BRINP1: variants seen among roughly 807,000 people sequenced by gnomAD.
BRINP1 encodes BMP/retinoic acid inducible neural specific 1.
In BRINP1, 17 loss-of-function variants were observed where a neutral mutation model predicts 72.9. The ratio of observed to expected loss-of-function variants is 0.23; its 90% CI spans 0.16 to 0.35. The LOEUF (loss-of-function observed/expected upper bound fraction) is 0.35. BRINP1 is among the 10% of genes least tolerant of loss of function. BRINP1 has a pLI of 1.00. For synonymous variants in BRINP1, 418 were observed against 378.5 expected (o/e 1.10, Z -1.21); for missense variants, 850 against 1,001.6 (o/e 0.85, Z 2.04).
intron 2 of BRINP1, among the ~76,000 whole-genome samples, chr9:119,249,940 GGGAA>G (rs1830365089): frequency 8.1e-6 from 1 of 123,078 alleles, no homozygotes; most frequent in African/African-American, 3.3e-5. Flanking sequence ...GAGAGAGAAA[GGGAA>G]GGAAGGAAGG....
At chr9:119,169,533 A>C (rs578066479) in intron 7 of BRINP1, among the ~76,000 whole-genome samples, 1 of 152,336 alleles carries the variant, frequency 6.6e-6, no homozygotes, top group South Asian at 2.1e-4. Context: ...ATCAAACTGC[A>C]AGGCGGCAGC....
intron 2 of BRINP1, among the ~76,000 whole-genome samples, chr9:119,307,248 T>C (rs1831007592): frequency 6.6e-6 from 1 of 152,158 alleles, no homozygotes; most frequent in Middle Eastern, 3.4e-3. Context: ...TATCCCTGAC[T>C]GACAATAATT....
chr9:119,320,462 AG>A, intron 1 of BRINP1, among the ~76,000 whole-genome samples: 1 of 152,204 alleles, frequency 6.6e-6, no homozygotes, highest in Non-Finnish European at 1.5e-5. Context: ...GGGCCCTCAA[AG>A]AGCTTATTTT....
chr9:119,252,293 A>G (rs976054859), intron 2 of BRINP1, among the ~76,000 whole-genome samples: 1 of 152,154 alleles, frequency 6.6e-6, no homozygotes, highest in African/African-American at 2.4e-5. Flanking sequence ...CAGCCTGGTA[A>G]CAAACCCAGA....
intron 7 of BRINP1, among the ~76,000 whole-genome samples, chr9:119,193,387 A>T (rs1415293265): frequency 6.6e-6 from 1 of 152,198 alleles, no homozygotes; most frequent in Non-Finnish European, 1.5e-5. Flanking sequence ...TCAAATACAC[A>T]GAGACAGAGA....
intron 2 of BRINP1, among the ~76,000 whole-genome samples, chr9:119,311,564 A>G (rs1210969606): frequency 1.3e-5 from 2 of 152,196 alleles, no homozygotes; most frequent in Non-Finnish European, 2.9e-5. Flanking sequence ...TTTTTGAATA[A>G]CATAGGTTGA....
At chr9:119,349,845 T>C (rs982275770) in intron 1 of BRINP1, among the ~76,000 whole-genome samples, 2 of 152,212 alleles carry the variant, frequency 1.3e-5, no homozygotes, top group Non-Finnish European at 2.9e-5. Flanking sequence ...TGTTCCTATG[T>C]GACACTGAGA....
chr9:119,203,016 T>G (rs1588162940), intron 7 of BRINP1, among the ~76,000 whole-genome samples: 1 of 152,106 alleles, frequency 6.6e-6, no homozygotes, highest in African/African-American at 2.4e-5. Flanking sequence ...CAGGGCTCCA[T>G]GTTCAGGGCC....
At chr9:119,272,672 G>C (rs185800597) in intron 2 of BRINP1, among the ~76,000 whole-genome samples, 45 of 152,226 alleles carry the variant, frequency 3.0e-4, no homozygotes, top group African/African-American at 1.0e-3. Flanking sequence ...CTACTTCCAG[G>C]CATTTTATTT....
intron 2 of BRINP1, among the ~76,000 whole-genome samples, chr9:119,311,415 C>A (rs1298508359): frequency 6.6e-6 from 1 of 152,144 alleles, no homozygotes; most frequent in Non-Finnish European, 1.5e-5. Context: ...CAAAGTAAAT[C>A]ATACATGAAA....
chr9:119,302,307 T>C (rs1179311495), intron 2 of BRINP1, among the ~76,000 whole-genome samples: 1 of 152,192 alleles, frequency 6.6e-6, no homozygotes, highest in Non-Finnish European at 1.5e-5. Flanking sequence ...GATGATTTTA[T>C]CTAACTGTAA....
rs2119051185 is a variant in BRINP1 at position 119,368,384 on chromosome 9, A to C, written c.-51+672T>G. Among the ~76,000 whole-genome samples the C allele has an allele frequency of 6.6e-6, 1 of 152,096 alleles. No homozygotes were observed. The highest frequency in any genetic ancestry group is 1.9e-4 in the East Asian group (1 of 5,142). ...GGGTTGGCCATGTCTCTTTCATATT[A>C]AGCTGTGGGTCCCAGTGTAGCAGGA... On this transcript the variant is annotated intron_variant, in intron 1 of 7. Transcript: ENST00000265922. This position sits in a 1 kb window ranked among gnomAD's most constrained non-coding sequence, Gnocchi z 4.7.
At chr9:119,169,680 G>C (rs919210751) in intron 7 of BRINP1, among the ~76,000 whole-genome samples, 9 of 152,214 alleles carry the variant, frequency 5.9e-5, no homozygotes, top group African/African-American at 2.2e-4. Context: ...TGGGGGCAGG[G>C]CACAGACAAA....
chr9:119,369,406 T>C lies in BRINP1; in HGVS notation c.-401A>G, dbSNP rs1356610650. On this transcript the variant is annotated 5_prime_UTR_variant, in exon 1 of 8. Coordinates refer to ENST00000265922, the MANE Select transcript of BRINP1 (RefSeq NM_014618.3). The stretch of plus-strand genomic sequence containing the variant: ...CGCGCGCCAGATCAGTTTGCAGCCG[T>C]GGGGTCCGGGAGCGAGGCGGCTGGC... The C allele has an allele frequency of 1.0e-5, 4 of 395,712 alleles. No individual in the cohort carries two copies. Among genetic ancestry groups the C allele is most frequent in the African/African-American group, 2.1e-5 (1 of 48,480 alleles). 24.5% of individuals were successfully genotyped at this position (395,712 alleles called of 1,614,324 possible). A position where few individuals can be genotyped will look rare whatever the true frequency, so the allele number is the denominator to read the frequency against.
At chr9:119,244,975 G>A (rs971184000) in intron 3 of BRINP1, among the ~76,000 whole-genome samples, 1 of 152,166 alleles carries the variant, frequency 6.6e-6, no homozygotes, top group Non-Finnish European at 1.5e-5. Context: ...CTCCCAGATA[G>A]GAGATGAGGT....
intron 1 of BRINP1, among the ~76,000 whole-genome samples, chr9:119,328,000 G>A (rs568574432): frequency 8.5e-5 from 13 of 152,236 alleles, no homozygotes; most frequent in South Asian, 6.2e-4. Flanking sequence ...AGGAGTGGAT[G>A]AGACCACTCA....
rs755672895 is a variant in BRINP1, at chr9:119,167,303, A to G, written c.2067T>C (p.Ser689=). Residue 689 remains serine (S), a synonymous_variant, in exon 8 of 8, where the codon TCT becomes TCC. Transcript: ENST00000265922. This position sits in a 1 kb window ranked among gnomAD's most constrained non-coding sequence, Gnocchi z 4.3. ...CCAACAAGAGGAGCATCACTGACGA[A>G]GAGGAATAGAACTGGCCGCCCTGTG... ...SYTQGGQFYS[S]SSVMLLLLDI... 5.6e-6 allele frequency: 9 copies of G among 1,614,068 alleles called. No homozygotes were observed. In the East Asian group the frequency reaches 1.1e-4, roughly 20 times the overall value.
intron 2 of BRINP1, among the ~76,000 whole-genome samples, chr9:119,266,890 C>G (rs1345506958): frequency 6.6e-6 from 1 of 152,286 alleles, no homozygotes; most frequent in Admixed American, 6.5e-5. Flanking sequence ...AGATGAAAAG[C>G]CACTATAGAG....
chr9:119,351,131 A>T lies in BRINP1; in HGVS notation c.-51+17925T>A, dbSNP rs188762114. ...CCCCTCCCTGTGTCCATGTATTCTCATCTATTCATAAACACATTATATCCA... is the reference window on the plus strand; with the variant it reads ...CCCCTCCCTGTGTCCATGTATTCTCTTCTATTCATAAACACATTATATCCA... On this transcript the variant is annotated intron_variant, in intron 1 of 7. Transcript: ENST00000265922. 1.6e-3 allele frequency among the ~76,000 whole-genome samples: 241 copies of T among 151,984 alleles called. 2 individuals are homozygous for T. Among genetic ancestry groups the T allele is most frequent in the Non-Finnish European group, 2.2e-3 (151 of 68,000 alleles).
Sources: allele counts gnomAD v4.1 joint callset (sites outside exome capture counted in the v4.1 genomes callset), GRCh38; gene constraint gnomAD v4.1.1; non-coding constraint Gnocchi (gnomAD v3.1); transcripts MANE v1.5; gene names NCBI Gene and HGNC (gene_info 2026-07-23, HGNC 2026-07-21).